Variants in PDE10A observed in about 807,000 individuals in gnomAD.
PDE10A encodes phosphodiesterase 10A.
Under a neutral mutation model 97.7 loss-of-function variants are expected in PDE10A, and 39 were observed. That is an observed-to-expected ratio of 0.40 (90% CI 0.31 to 0.52). The LOEUF (loss-of-function observed/expected upper bound fraction) is 0.52, where lower values mean the gene tolerates loss of function less well. Among genes scored for constraint, PDE10A ranks in the 20% least tolerant of loss-of-function variants. The pLI, the probability that PDE10A is intolerant of heterozygous loss-of-function variation, is 0.56. For synonymous variants in PDE10A, 371 were observed against 376.8 expected, an observed-to-expected ratio of 0.98 and a Z score of 0.18; for missense variants, 731 against 1,047.8, an observed-to-expected ratio of 0.70 and a Z score of 4.17.
chr6:165,704,502 T>C (rs1055965586), intron 1 of PDE10A, among the ~76,000 whole-genome samples: 2 of 152,198 alleles, frequency 1.3e-5, no homozygotes, highest in African/African-American at 4.8e-5. Context: ...AAGAAGAGTT[T>C]ACACAAAGTT....
intron 1 of PDE10A, among the ~76,000 whole-genome samples, chr6:165,876,361 T>G (rs1781345742): frequency 6.6e-6 from 1 of 152,134 alleles, no homozygotes; most frequent in South Asian, 2.1e-4. Context: ...AATAAAGAAG[T>G]GTGTCATTCT....
intron 3 of PDE10A, among the ~76,000 whole-genome samples, chr6:165,461,612 T>C (rs1348433369): frequency 6.6e-6 from 1 of 152,226 alleles, no homozygotes; most frequent in Non-Finnish European, 1.5e-5. Flanking sequence ...CTGATGACTT[T>C]ATTTACCCAA....
intron 2 of PDE10A, among the ~76,000 whole-genome samples, chr6:165,490,490 T>C (rs1780165917): frequency 6.6e-6 from 1 of 151,928 alleles, no homozygotes; most frequent in East Asian, 1.9e-4. Context: ...TACACCAAAA[T>C]AGAACCTCTC....
rs534057699 is a variant in PDE10A at position 165,915,166 on chromosome 6, G to A, written c.-615+72363C>T. 1.4e-4 allele frequency among the ~76,000 whole-genome samples: 21 copies of A among 152,142 alleles called. 1 individual carries two copies. Among genetic ancestry groups the A allele is most frequent in the East Asian group, 3.9e-4 (2 of 5,140 alleles). ...TTCTTTCATGAATGGAAAATGCGTC[G>A]TCAAACTGCTTGTGTACAACTAGAA... On this transcript the variant is annotated intron_variant, in intron 1 of 19. Coordinates refer to the PDE10A transcript ENST00000366882.
intron 1 of PDE10A, among the ~76,000 whole-genome samples, chr6:165,735,660 C>A (rs1452510576): frequency 6.6e-6 from 1 of 152,042 alleles, no homozygotes; most frequent in Non-Finnish European, 1.5e-5. Flanking sequence ...TCTCTCTCAC[C>A]TGGGGGATGG....
chr6:165,789,466 C>T (rs1451427723), intron 1 of PDE10A, among the ~76,000 whole-genome samples: 3 of 152,076 alleles, frequency 2.0e-5, no homozygotes, highest in Admixed American at 6.6e-5. Flanking sequence ...GTGAATCGTT[C>T]CTGGGGGCCT....
Position 165,346,885 on chromosome 6 carries a change from A to ATTC in PDE10A, c.2784-3384_2784-3383insGAA, listed in dbSNP as rs1402004929. Among the ~76,000 whole-genome samples the ATTC allele has an allele frequency of 6.8e-3, 1,031 of 152,328 alleles. 10 individuals carry two copies. Among genetic ancestry groups the ATTC allele is most frequent in the African/African-American group, 0.024 (989 of 41,580 alleles). On this transcript the variant is annotated intron_variant, in intron 18 of 21. Coordinates refer to ENST00000539869, the MANE Select transcript of PDE10A (RefSeq NM_001385079.1). ...TATAAGCAAAGACCAGAATTCTGTTATGAGGTAGTCTTAATTATTACTGTG... is the reference window on the plus strand; with the variant it reads ...TATAAGCAAAGACCAGAATTCTGTTATTCTGAGGTAGTCTTAATTATTACTGTG...
intron 1 of PDE10A, among the ~76,000 whole-genome samples, chr6:165,716,277 C>T (rs1792024825): frequency 6.6e-6 from 1 of 152,220 alleles, no homozygotes; most frequent in South Asian, 2.1e-4. Context: ...GATTGCTTTA[C>T]AGCATCTTCC....
intron 17 of PDE10A, among the ~76,000 whole-genome samples, chr6:165,387,829 G>A (rs993797165): frequency 2.6e-5 from 4 of 152,180 alleles, no homozygotes; most frequent in African/African-American, 9.7e-5. Flanking sequence ...TTGAAGTGAT[G>A]TCTGTGATTG....
chr6:165,976,972 C>T lies in PDE10A; in HGVS notation c.-615+10557G>A, dbSNP rs1367099028. Among the ~76,000 whole-genome samples, 3 of 152,202 alleles carry T rather than the reference C, an allele frequency of 2.0e-5. No individual in the cohort carries two copies. In the South Asian group the frequency reaches 6.2e-4, roughly 32 times the overall value. On this transcript the variant is annotated intron_variant, in intron 1 of 19. Transcript: ENST00000366882. ...GTCAGCACACATCGAAGCATTGTCC[C>T]AAACAGATAGTTCCCTTGGTGAGAG... is the stretch of plus-strand genomic sequence containing the variant.
At chr6:165,563,288 A>T (rs1784616449) in intron 1 of PDE10A, among the ~76,000 whole-genome samples, 1 of 151,834 alleles carries the variant, frequency 6.6e-6, no homozygotes, top group East Asian at 1.9e-4. Flanking sequence ...GGAAGGAAGG[A>T]TTTAGTAATG....
intron 18 of PDE10A, among the ~76,000 whole-genome samples, chr6:165,350,426 A>G (rs1157448408): frequency 1.3e-5 from 2 of 152,074 alleles, no homozygotes; most frequent in African/African-American, 2.4e-5. Context: ...CTGTACCCCC[A>G]TTGTGTCTAG....
chr6:165,621,415 C>A (rs769288205), intron 1 of PDE10A, among the ~76,000 whole-genome samples: 2 of 152,120 alleles, frequency 1.3e-5, no homozygotes, highest in African/African-American at 2.4e-5. Flanking sequence ...CTTTCCCCTT[C>A]AAAATAGGAT....
intron 1 of PDE10A, among the ~76,000 whole-genome samples, chr6:165,877,509 CT>C (rs1781373132): frequency 6.6e-6 from 1 of 152,142 alleles, no homozygotes; most frequent in Admixed American, 6.5e-5. Flanking sequence ...TCCAAATATC[CT>C]TTTGATTAAT....
At position 165,413,516 on chromosome 6, in the gene PDE10A, G is replaced by A. The variant is rs140917534; in HGVS notation, c.2061C>T (p.Ala687=). ...TAGTACTTACATTAGCACAGTGTAAGGCTAAAGCACAAAAGACGGCAAACA... is the reference window on the plus strand; with the variant it reads ...TAGTACTTACATTAGCACAGTGTAAAGCTAAAGCACAAAAGACGGCAAACA... The part of the protein sequence containing the change: ...FKMFAVFCAL[A]LHCANMYHRI... The change falls in exon 13 of 22, where the codon GCC becomes GCT. Residue 687 remains alanine (A), a synonymous_variant. Coordinates refer to ENST00000539869, the MANE Select transcript of PDE10A (RefSeq NM_001385079.1). The A allele has an allele frequency of 2.7e-5, 43 of 1,613,276 alleles. No homozygotes were observed. Among genetic ancestry groups the A allele is most frequent in the Non-Finnish European group, 3.5e-5 (41 of 1,179,220 alleles).
intron 1 of PDE10A, among the ~76,000 whole-genome samples, chr6:165,608,215 A>C: frequency 6.8e-6 from 1 of 146,764 alleles, no homozygotes; most frequent in African/African-American, 2.5e-5. Context: ...GTACCCATTA[A>C]CTCGTCATTT....
intron 1 of PDE10A, among the ~76,000 whole-genome samples, chr6:165,766,240 A>T (rs1456826410): frequency 6.6e-6 from 1 of 152,222 alleles, no homozygotes; most frequent in Non-Finnish European, 1.5e-5. Context: ...GCTTTTGCAC[A>T]TCCTGTGTAT....
intron 1 of PDE10A, among the ~76,000 whole-genome samples, chr6:165,804,210 G>A (rs1471559766): frequency 6.6e-6 from 1 of 152,154 alleles, no homozygotes; most frequent in Non-Finnish European, 1.5e-5. Context: ...GGGGTGGGCT[G>A]ATGGGCAGAT....
chr6:165,893,224 G>A (rs973569457), intron 1 of PDE10A, among the ~76,000 whole-genome samples: 4 of 152,140 alleles, frequency 2.6e-5, no homozygotes, highest in Admixed American at 6.5e-5. Context: ...AATAAGCATC[G>A]CTACAGCAAT....
Sources: gnomAD v4.1 joint callset for allele counts (sites outside exome capture counted in the v4.1 genomes callset) on GRCh38, gnomAD v4.1.1 for gene constraint, MANE v1.5 for transcripts, NCBI Gene and HGNC (gene_info 2026-07-23, HGNC 2026-07-21) for gene names.